The following NPAT variants were observed in gnomAD, a reference collection of about 807,000 sequenced individuals.
NPAT encodes protein NPAT.
In NPAT, 52 loss-of-function variants were observed where a neutral mutation model predicts 130.7. The observed-to-expected ratio is 0.40, with a 90% CI of 0.32 to 0.50. NPAT has a LOEUF of 0.50. NPAT is among the 20% of genes least tolerant of loss of function. The pLI is 0.68. For missense variants in NPAT, 1,687 were observed against 1,662.6 expected, an observed-to-expected ratio of 1.01 and a Z score of -0.26; for synonymous variants, 580 against 584.8, an observed-to-expected ratio of 0.99 and a Z score of 0.12.
At chr11:108,162,265 G>GGT in intron 15 of NPAT, 85 bp from the exon 16 acceptor site, 1 of 1,280,348 alleles carries the variant, frequency 7.8e-7, no homozygotes, top group Non-Finnish European at 1.1e-6. Flanking sequence ...CACATATCAT[G>GGT]AGAAAAAATT....
intron 1 of NPAT, among the ~76,000 whole-genome samples, chr11:108,221,973 T>C (rs2078511332): frequency 6.6e-6 from 1 of 152,176 alleles, no homozygotes; most frequent in African/African-American, 2.4e-5. Flanking sequence ...ACCTCTACAC[T>C]GGACGACGTA....
intron 10 of NPAT, among the ~76,000 whole-genome samples, chr11:108,183,159 A>AT (rs1234367862): frequency 2.0e-5 from 3 of 151,786 alleles, no homozygotes; most frequent in African/African-American, 7.3e-5. Flanking sequence ...TAAAAAAAAA[A>AT]TTTTTTTTGT....
In NPAT at chr11:108,161,741, G is replaced by A. The variant is rs1299875577; in HGVS notation, c.3345C>T (p.Ile1115=). Residue 1115 remains isoleucine, a synonymous_variant, in exon 17 of 18, where the codon ATC becomes ATT. Transcript: ENST00000278612. ...GAGGAGGCTTCTCTTTCTCTCTTTT[G>A]ATAGCATTATTAGAAGGGGGTTTTA... ...STLKPPSNNA[I]KREKEKPPLP... 1 of 1,613,740 alleles carries A rather than the reference G, an allele frequency of 6.2e-7. No homozygotes were observed.
At position 108,188,067 on chromosome 11, in the gene NPAT, G is replaced by A. The variant is rs59559366; in HGVS notation, c.638+31C>T. ...CTTTTTTTTTTTTTTTAATGGATAC[G>A]GGTAACTTGTCTCTTTTAAAAAGCA... On this transcript the variant is annotated intron_variant, in intron 7 of 17. Transcript: ENST00000278612. The A allele has an allele frequency of 3.1e-3, 4,527 of 1,449,026 alleles. 126 individuals are homozygous for A. The African/African-American group carries it at 0.054, about 17-fold the overall frequency. 89.8% of individuals were successfully genotyped at this position (1,449,026 alleles called of 1,614,324 possible).
intron 5 of NPAT, 45 bp from the exon 6 acceptor site, chr11:108,189,375 G>C (rs1399299635): frequency 6.4e-7 from 1 of 1,574,220 alleles, no homozygotes; most frequent in Admixed American, 1.7e-5. Flanking sequence ...CGTCAGGGTA[G>C]TTTGGGAATT....
chr11:108,217,695 A>T (rs1043853346), intron 1 of NPAT, among the ~76,000 whole-genome samples: 1 of 152,158 alleles, frequency 6.6e-6, no homozygotes, highest in African/African-American at 2.4e-5. Context: ...GAAAATCCAA[A>T]TATGATGAAA....
chr11:108,175,073 T>G (rs1169658349), intron 12 of NPAT, among the ~76,000 whole-genome samples: 1 of 152,264 alleles, frequency 6.6e-6, no homozygotes, highest in Non-Finnish European at 1.5e-5. Context: ...TTTTGCTTTC[T>G]GTGGTTTCAG....
At chr11:108,203,328 T>C (rs1160600764) in intron 1 of NPAT, among the ~76,000 whole-genome samples, 1 of 152,148 alleles carries the variant, frequency 6.6e-6, no homozygotes, top group South Asian at 2.1e-4. Flanking sequence ...GCCATCTCTA[T>C]TCAACCCAGG....
Position 108,172,392 on chromosome 11 carries a change from A to C in NPAT, c.2592T>G (p.Asn864Lys). 1 of 1,614,224 alleles carries C rather than the reference A, an allele frequency of 6.2e-7. No individual in the cohort carries two copies. Among genetic ancestry groups the C allele is most frequent in the Non-Finnish European group, 8.5e-7 (1 of 1,180,032 alleles). The change falls in exon 13 of 18, where the codon AAT (asparagine) becomes AAG (lysine). Residue 864 changes from asparagine to lysine, a missense_variant. Transcript: ENST00000278612. ...TCACACAGGTAGCTATCAGAATGTT[A>C]TTTGAATTGCCAAAAGCTGTGCTTG... The part of the protein sequence containing the change: ...PATSTAFGNS[N>K]NILIATCVTD...
chr11:108,183,064 T>A (rs1052622865), intron 10 of NPAT, among the ~76,000 whole-genome samples: 9 of 152,162 alleles, frequency 5.9e-5, no homozygotes, highest in Non-Finnish European at 1.3e-4. Context: ...CACAGCAGCC[T>A]TGAGCACCCA....
Position 108,172,117 on chromosome 11 carries a change from C to G in NPAT, c.2785+82G>C, listed in dbSNP as rs762234780. The G allele has an allele frequency of 2.8e-5, 33 of 1,170,316 alleles. No homozygotes were observed. The Middle Eastern group carries it at 9.7e-4, about 34-fold the overall frequency. The allele number at this position is 1,170,316 out of a possible 1,614,324, so 72.5% of individuals were successfully genotyped here. ...CATACCATCTACTCATTAGTTATTA[C>G]TTCGCAGTCAATAACATCACATACA... On this transcript the variant is annotated intron_variant, in intron 13 of 17. Transcript: ENST00000278612.
chr11:108,165,082 C>T (rs2077888738), intron 15 of NPAT, among the ~76,000 whole-genome samples: 1 of 151,864 alleles, frequency 6.6e-6, no homozygotes, highest in South Asian at 2.1e-4. Context: ...GGTAGATTTA[C>T]AACATGGGCA....
At position 108,209,909 on chromosome 11, in the gene NPAT, A is replaced by T. The variant is rs2078368422; in HGVS notation, c.38-12489T>A. On this transcript the variant is annotated intron_variant, in intron 1 of 17. Transcript: ENST00000278612. The stretch of plus-strand genomic sequence containing the variant: ...ATCTCAAAAAAAAAAAAAAAAAAAA[A>T]AAAATTCAATAACCACATCATCTAC... Among the ~76,000 whole-genome samples, 3 of 120,386 alleles carry T rather than the reference A, an allele frequency of 2.5e-5. No homozygotes were observed. In the East Asian group the frequency reaches 7.1e-4, roughly 28 times the overall value. The allele number at this position is 120,386 out of a possible 152,430, so 79.0% of individuals were successfully genotyped here. A position where few individuals can be genotyped will look rare whatever the true frequency, so the allele number is the denominator to read the frequency against.
intron 5 of NPAT, among the ~76,000 whole-genome samples, chr11:108,189,885 C>A (rs200414371): frequency 1.9e-3 from 273 of 142,456 alleles, no homozygotes; most frequent in African/African-American, 6.1e-3. Context: ...AAAAAAAAAA[C>A]AAAAAACAAG....
intron 15 of NPAT, among the ~76,000 whole-genome samples, chr11:108,167,450 C>T (rs2077911996): frequency 6.6e-6 from 1 of 152,178 alleles, no homozygotes; most frequent in Non-Finnish European, 1.5e-5. Flanking sequence ...TAGACTCAAA[C>T]AATCCTCCTG....
rs989559122 is a variant in NPAT at position 108,220,492 on chromosome 11, A to G, written c.37+2008T>C. On this transcript the variant is annotated intron_variant, in intron 1 of 17. Coordinates refer to ENST00000278612, the MANE Select transcript of NPAT (RefSeq NM_002519.3). ...TAAGGGGAGAAAACTTAACTTCTCT[A>G]TGTTCAGCAATTGGCACAGTGTTTG... Among the ~76,000 whole-genome samples, 12 of 152,294 alleles carry G rather than the reference A, an allele frequency of 7.9e-5. No individual in the cohort carries two copies. In the East Asian group the frequency reaches 9.7e-4, roughly 12 times the overall value.
At chr11:108,213,225 A>G (rs2078401195) in intron 1 of NPAT, among the ~76,000 whole-genome samples, 1 of 152,106 alleles carries the variant, frequency 6.6e-6, no homozygotes, top group African/African-American at 2.4e-5. Context: ...GTGAGCCAAG[A>G]TTGCGCCATT....
rs1463991479 is a variant in NPAT at position 108,173,412 on chromosome 11, T to A, written c.1572A>T (p.Leu524Phe). Residue 524 changes from leucine to phenylalanine, a missense_variant, in exon 13 of 18, where the codon TTA (leucine) becomes TTT (phenylalanine). Physicochemically the swap from Leu to Phe is conservative, Grantham distance 22 (BLOSUM62 0). Coordinates refer to ENST00000278612, the MANE Select transcript of NPAT (RefSeq NM_002519.3). ...SLGCEANNEN[L>F]ILSGKSSQLL... ...GTTGAGAACTCTTCCCAGAGAGAAT[T>A]AAGTTTTCATTGTTAGCTTCACAAC... is the stretch of plus-strand genomic sequence containing the variant. The A allele has an allele frequency of 6.2e-7, 1 of 1,614,026 alleles. No individual in the cohort carries two copies. Among genetic ancestry groups the A allele is most frequent in the African/African-American group, 1.3e-5 (1 of 74,938 alleles).
intron 4 of NPAT, among the ~76,000 whole-genome samples, chr11:108,191,509 T>C (rs955404916): frequency 6.6e-6 from 1 of 152,138 alleles, no homozygotes; most frequent in African/African-American, 2.4e-5. Context: ...CCAAGTAAGA[T>C]GTGGTCCAGA....
Sources: allele counts gnomAD v4.1 joint callset (sites outside exome capture counted in the v4.1 genomes callset), GRCh38; gene constraint gnomAD v4.1.1; transcripts MANE v1.5; gene names NCBI Gene and HGNC (gene_info 2026-07-23, HGNC 2026-07-21).